WDR3: variants seen among roughly 807,000 people sequenced by gnomAD.
WDR3 encodes the protein WD repeat-containing protein 3.
In WDR3, 81 loss-of-function variants were observed where a neutral mutation model predicts 123.7. The observed-to-expected ratio is 0.65, with a 90% CI of 0.55 to 0.79. The LOEUF (loss-of-function observed/expected upper bound fraction) is 0.79, where lower values mean the gene tolerates loss of function less well. WDR3 is among the 30% of genes least tolerant of loss of function. The probability of loss-of-function intolerance (pLI) is 0.00; values close to 1 mark genes in which losing one functional copy is unlikely to be tolerated. For missense variants in WDR3, 1,027 were observed against 1,123.2 expected (o/e 0.91, Z 1.22); for synonymous variants, 390 against 388.8 (o/e 1.00, Z -0.04).
At chr1:117,938,594 G>C (rs766821355) in intron 5 of WDR3, 36 bp downstream of exon 5, 1 of 1,580,954 alleles carries the variant, frequency 6.3e-7, no homozygotes, top group African/African-American at 1.4e-5. Context: ...GAAATAATGG[G>C]AAGGCAAAAG....
Position 117,943,378 on chromosome 1 carries a change from G to T in WDR3, c.1098-18G>T. The T allele has an allele frequency of 6.3e-7, 1 of 1,598,794 alleles. No homozygotes were observed. Among genetic ancestry groups the T allele is most frequent in the Non-Finnish European group, 8.6e-7 (1 of 1,169,264 alleles). On this transcript the variant is annotated intron_variant, in intron 10 of 26. Coordinates refer to ENST00000349139, the MANE Select transcript of WDR3 (RefSeq NM_006784.3). ...CTAAGATGGTAGCTAGAACATTTAT[G>T]ATTATTTTCTTGTACAGGTCCTTTG...
In WDR3 at chr1:117,960,132, G is replaced by T. The variant is rs1229671171; in HGVS notation, c.*685G>T. On this transcript the variant is annotated 3_prime_UTR_variant, in exon 27 of 27. Coordinates refer to ENST00000349139, the MANE Select transcript of WDR3 (RefSeq NM_006784.3). ...CTCGTGTGTGTGTGTGTGTGTGTGT[G>T]TGTGTGTGTGTGTGTATGTGTATGT... The T allele has an allele frequency of 6.6e-6, 1 of 150,972 alleles. No individual in the cohort carries two copies. The highest frequency in any genetic ancestry group is 1.5e-5 in the Non-Finnish European group (1 of 68,072). The allele number at this position is 150,972 out of a possible 1,614,324, so 9.4% of individuals were successfully genotyped here. A position where few individuals can be genotyped will look rare whatever the true frequency, so the allele number is the denominator to read the frequency against.
Position 117,950,892 on chromosome 1 carries a change from T to G in WDR3, c.1803+2T>G. The G allele has an allele frequency of 6.2e-7, 1 of 1,606,716 alleles. No homozygotes were observed. The highest frequency in any genetic ancestry group is 8.5e-7 in the Non-Finnish European group (1 of 1,177,624). On this transcript the variant is annotated splice_donor_variant, in intron 16 of 26. Transcript: ENST00000349139. LOFTEE classifies it high-confidence loss of function. ...GTTATATGCATGGACATCTCTCATG[T>G]AAGTAGTTTAAATAGTGTCTCAGTA...
intron 13 of WDR3, among the ~76,000 whole-genome samples, chr1:117,948,983 T>TG (rs1651507038): frequency 6.8e-6 from 1 of 146,054 alleles, no homozygotes; most frequent in African/African-American, 2.5e-5. Context: ...AATCTTGAGA[T>TG]TTTTTTTTTT....
rs570944329 is a variant in WDR3 at position 117,935,244 on chromosome 1, T to A, written c.381+562T>A. Among the ~76,000 whole-genome samples, 9 of 152,328 alleles carry A rather than the reference T, an allele frequency of 5.9e-5. No individual in the cohort carries two copies. The East Asian group carries it at 1.7e-3, about 29-fold the overall frequency. On this transcript the variant is annotated intron_variant, in intron 3 of 26. Coordinates refer to ENST00000349139, the MANE Select transcript of WDR3 (RefSeq NM_006784.3). ...TAATTGATTTATATAGCTAAAGCTA[T>A]GTTTAGACATATGTTTATATAGATA...
intron 1 of WDR3, 87 bp downstream of exon 1, chr1:117,929,869 A>T (rs1650636526): frequency 6.6e-6 from 1 of 152,478 alleles, no homozygotes; most frequent in African/African-American, 2.4e-5. Context: ...TCGTGATGTC[A>T]GCAGCAGCCG....
At chr1:117,956,219 G>A (rs1232965400) in intron 24 of WDR3, among the ~76,000 whole-genome samples, 1 of 152,132 alleles carries the variant, frequency 6.6e-6, no homozygotes, top group Non-Finnish European at 1.5e-5. Context: ...GCTCATGTCT[G>A]TAATCCCAAC....
chr1:117,948,589 G>T, intron 13 of WDR3, 83 bp downstream of exon 13: 15 of 914,692 alleles, frequency 1.6e-5, no homozygotes, highest in South Asian at 4.7e-5. Flanking sequence ...AAGAAAGCCT[G>T]AGGTTTTTTT....
chr1:117,950,922 G>T, intron 16 of WDR3, 32 bp downstream of exon 16: 17 of 1,564,360 alleles, frequency 1.1e-5, no homozygotes, highest in Non-Finnish European at 1.5e-5. Flanking sequence ...TCAGTAATAT[G>T]TTGTCTTTTT....
chr1:117,964,193 C>A lies in WDR3; in HGVS notation c.*4746C>A. On this transcript the variant is annotated 3_prime_UTR_variant, in exon 27 of 27. Coordinates refer to ENST00000349139, the MANE Select transcript of WDR3 (RefSeq NM_006784.3). ...TGACTGGCTTTCTATAAGGAGCCAT[C>A]AGTATGGTCAAGCCCCAAACCATAT... 7 of 285,910 alleles carry A rather than the reference C, an allele frequency of 2.4e-5. No individual in the cohort carries two copies. Among genetic ancestry groups the A allele is most frequent in the East Asian group, 5.8e-5 (1 of 17,306 alleles). 17.7% of individuals were successfully genotyped at this position (285,910 alleles called of 1,614,324 possible). A position where few individuals can be genotyped will look rare whatever the true frequency, so the allele number is the denominator to read the frequency against.
In WDR3 at chr1:117,933,235, C is replaced by T. The variant is rs1032602420; in HGVS notation, c.-32-53C>T. ...AAAAAAACAGTTGGTGTTTACTAAC[C>T]TAGTAGAACCAAGGCACCCAAGGAG... On this transcript the variant is annotated intron_variant, in intron 1 of 26. Transcript: ENST00000349139. 12 of 1,495,836 alleles carry T rather than the reference C, an allele frequency of 8.0e-6. No individual in the cohort carries two copies. The African/African-American group carries it at 1.7e-4, about 21-fold the overall frequency. 92.7% of individuals were successfully genotyped at this position (1,495,836 alleles called of 1,614,324 possible). A position where few individuals can be genotyped will look rare whatever the true frequency, so the allele number is the denominator to read the frequency against.
rs11587893 is a variant in WDR3 at position 117,938,425 on chromosome 1, G to A, written c.501-55G>A. Reference sequence around the variant, plus strand: ...CAGTGAGTTTTGGATCTCCCTATTCGTTGAATGAGTTTTCCTAAACAGGCT... The same window carrying A: ...CAGTGAGTTTTGGATCTCCCTATTCATTGAATGAGTTTTCCTAAACAGGCT... On this transcript the variant is annotated intron_variant, in intron 4 of 26. Transcript: ENST00000349139. The A allele has an allele frequency of 1.5e-3, 2,223 of 1,453,908 alleles. 33 individuals carry two copies. The African/African-American group carries it at 0.025, about 16-fold the overall frequency. The allele number at this position is 1,453,908 out of a possible 1,614,324, so 90.1% of individuals were successfully genotyped here. A position where few individuals can be genotyped will look rare whatever the true frequency, so the allele number is the denominator to read the frequency against.
chr1:117,947,148 C>T (rs1245982368), intron 12 of WDR3, among the ~76,000 whole-genome samples: 1 of 152,062 alleles, frequency 6.6e-6, no homozygotes, highest in Admixed American at 6.6e-5. Flanking sequence ...GTTACTGACC[C>T]ATTTCACAGA....
At chr1:117,948,824 T>G (rs1033360378) in intron 13 of WDR3, among the ~76,000 whole-genome samples, 14 of 152,116 alleles carry the variant, frequency 9.2e-5, no homozygotes, top group Admixed American at 2.0e-4. Context: ...GCTGCTCCCC[T>G]TTTTTCCTCA....
At chr1:117,949,961 A>G in intron 14 of WDR3, 34 bp from the exon 15 acceptor site, 1 of 1,613,124 alleles carries the variant, frequency 6.2e-7, no homozygotes, top group Non-Finnish European at 8.5e-7. Flanking sequence ...TTGTATACTC[A>G]TTTATTTTTT....
chr1:117,938,765 C>T (rs1022404196), intron 5 of WDR3, among the ~76,000 whole-genome samples: 5 of 152,204 alleles, frequency 3.3e-5, no homozygotes, highest in Middle Eastern at 3.4e-3. Flanking sequence ...TAAAAATTGG[C>T]CTTGCGTGGT....
chr1:117,957,041 T>C (rs1652303300), intron 24 of WDR3, 27 bp from the exon 25 acceptor site: 2 of 1,534,396 alleles, frequency 1.3e-6, no homozygotes, highest in Non-Finnish European at 1.7e-6. Context: ...AAATGTGGCA[T>C]TTTTATATTT....
In WDR3 at chr1:117,943,567, C is replaced by G. The variant is rs763327694; in HGVS notation, c.1269C>G (p.Phe423Leu). 22 of 1,614,024 alleles carry G rather than the reference C, an allele frequency of 1.4e-5. No homozygotes were observed. Among genetic ancestry groups the G allele is most frequent in the Non-Finnish European group, 1.7e-5 (20 of 1,180,034 alleles). ...GCAGTGATGTGCGGACTTTGTCATTCAGCTCAGACAATATTGCTGTTCTTT... is the reference window on the plus strand; with the variant it reads ...GCAGTGATGTGCGGACTTTGTCATTGAGCTCAGACAATATTGCTGTTCTTT... ...GHRSDVRTLS[F>L]SSDNIAVLSA... The change falls in exon 11 of 27, where the codon TTC becomes TTG. Residue 423 changes from phenylalanine to leucine, a missense_variant. Coordinates refer to ENST00000349139, the MANE Select transcript of WDR3 (RefSeq NM_006784.3).
rs1198768039 is a variant in WDR3, at chr1:117,964,101, A to G, written c.*4654A>G. 1.5e-6 allele frequency: 1 copy of G among 675,602 alleles called. No homozygotes were observed. The highest frequency in any genetic ancestry group is 2.4e-6 in the Non-Finnish European group (1 of 410,864). The allele number at this position is 675,602 out of a possible 1,614,324, so 41.9% of individuals were successfully genotyped here. On this transcript the variant is annotated 3_prime_UTR_variant, in exon 27 of 27. Coordinates refer to ENST00000349139, the MANE Select transcript of WDR3 (RefSeq NM_006784.3). ...TTCTGCATGCTCAGGCTTGGGGGTT[A>G]GAGGATGGATATGCCAATGTCTAGA...
Sources: gnomAD v4.1 joint callset for allele counts (sites outside exome capture counted in the v4.1 genomes callset) on GRCh38, gnomAD v4.1.1 for gene constraint, MANE v1.5 for transcripts, NCBI Gene and HGNC (gene_info 2026-07-23, HGNC 2026-07-21) for gene names.